Variants in PCDHGA5 observed in about 807,000 individuals in gnomAD.
The protein encoded by PCDHGA5 is protocadherin gamma-A5.
In PCDHGA5, 36 loss-of-function variants were observed where a neutral mutation model predicts 56.7. The observed-to-expected ratio is 0.64, with a 90% CI of 0.49 to 0.84. The LOEUF is 0.84. PCDHGA5 is among the 40% of genes least tolerant of loss of function. The probability of loss-of-function intolerance (pLI) is 0.00; values close to 1 mark genes in which losing one functional copy is unlikely to be tolerated. For missense variants in PCDHGA5, 1,305 were observed against 1,201.5 expected, an observed-to-expected ratio of 1.09 and a Z score of -1.27; for synonymous variants, 563 against 520.2, an observed-to-expected ratio of 1.08 and a Z score of -1.12.
rs145748099 is a variant in PCDHGA5, at chr5:141,365,734, T to A, written c.1404T>A (p.Gly468=). ...STSVTENNPR[G]VSIFSVTAHD... ...CTGTCACAGAAAACAATCCCAGAGG[T>A]GTCTCTATCTTCTCTGTGACAGCCC... Residue 468 remains glycine, a synonymous_variant, in exon 1 of 4, where the codon GGT becomes GGA. Coordinates refer to ENST00000518069, the MANE Select transcript of PCDHGA5 (RefSeq NM_018918.3). The A allele has an allele frequency of 1.9e-6, 3 of 1,613,550 alleles. No individual in the cohort carries two copies. The African/African-American group carries it at 4.0e-5, about 22-fold the overall frequency.
Position 141,485,286 on chromosome 5 carries a change from AG to A in PCDHGA5, c.2422-9520del. On this transcript the variant is annotated intron_variant, in intron 1 of 3. Coordinates refer to ENST00000518069, the MANE Select transcript of PCDHGA5 (RefSeq NM_018918.3). This position sits in a 1 kb window ranked among gnomAD's most constrained non-coding sequence, Gnocchi z 5.7. ...CAGATCCGCTACCCGGTCCCAGAGG[AG>A]TCACAGGAAGGGACTTTTGTAGGGA... The A allele has an allele frequency of 6.2e-7, 1 of 1,614,044 alleles. No homozygotes were observed. Among genetic ancestry groups the A allele is most frequent in the Non-Finnish European group, 8.5e-7 (1 of 1,179,928 alleles).
intron 1 of PCDHGA5, among the ~76,000 whole-genome samples, chr5:141,435,134 A>G (rs1190517186): frequency 6.6e-6 from 1 of 152,190 alleles, no homozygotes; most frequent in Non-Finnish European, 1.5e-5. Context: ...GAAAATATAA[A>G]TAAAATTGTG....
intron 1 of PCDHGA5, among the ~76,000 whole-genome samples, chr5:141,450,022 T>TTTTC: frequency 6.7e-6 from 1 of 149,424 alleles, no homozygotes; most frequent in Admixed American, 6.7e-5. Context: ...TTTTTTTTTT[T>TTTTC]TTGAGACAGG....
intron 1 of PCDHGA5, among the ~76,000 whole-genome samples, chr5:141,401,128 G>C (rs1271194736): frequency 6.6e-6 from 1 of 152,166 alleles, no homozygotes; most frequent in African/African-American, 2.4e-5. Context: ...TGGATCACAT[G>C]GTCAGGAGTT....
chr5:141,383,074 C>T, intron 1 of PCDHGA5: 3 of 1,613,886 alleles, frequency 1.9e-6, no homozygotes, highest in Non-Finnish European at 2.5e-6. Context: ...GCCCCGGGAG[C>T]TGGCGGAGCG....
chr5:141,475,106 G>T (rs1182368610), intron 1 of PCDHGA5, among the ~76,000 whole-genome samples: 6 of 152,220 alleles, frequency 3.9e-5, no homozygotes, highest in Admixed American at 2.0e-4. Context: ...ATCCTAGGTG[G>T]TAAATAGGCC....
chr5:141,494,441 C>T (rs1187169994), intron 1 of PCDHGA5, among the ~76,000 whole-genome samples: 2 of 152,154 alleles, frequency 1.3e-5, no homozygotes, highest in African/African-American at 4.8e-5. Context: ...TCCTTTGCCA[C>T]TTTAGGGGGC....
At chr5:141,460,177 T>C (rs1021646181) in intron 1 of PCDHGA5, among the ~76,000 whole-genome samples, 13 of 152,138 alleles carry the variant, frequency 8.5e-5, no homozygotes, top group African/African-American at 3.1e-4. Context: ...TTGTGGATAT[T>C]TTATCCCAGA....
rs1292783135 is a variant in PCDHGA5 at position 141,374,085 on chromosome 5, T to C, written c.2421+7334T>C. The stretch of plus-strand genomic sequence containing the variant: ...AGAGAAGTTCCTAATAAGCCAGTAA[T>C]GGCGCCTCCGCAGAGGCATCCGCAG... On this transcript the variant is annotated intron_variant, in intron 1 of 3. Coordinates refer to ENST00000518069, the MANE Select transcript of PCDHGA5 (RefSeq NM_018918.3). 12 of 1,528,732 alleles carry C rather than the reference T, an allele frequency of 7.8e-6. No individual in the cohort carries two copies. In the Admixed American group the frequency reaches 2.2e-4, roughly 28 times the overall value. 94.7% of individuals were successfully genotyped at this position (1,528,732 alleles called of 1,614,324 possible).
At chr5:141,392,107 C>T (rs1289551398) in intron 1 of PCDHGA5, 1 of 152,168 alleles carries the variant, frequency 6.6e-6, no homozygotes, top group Non-Finnish European at 1.5e-5. Flanking sequence ...AAAGCAACAA[C>T]TCTATAGAAA....
chr5:141,393,460 A>ATGGC (rs754334472), intron 1 of PCDHGA5: 1 of 1,614,052 alleles, frequency 6.2e-7, no homozygotes, highest in South Asian at 1.1e-5. Flanking sequence ...ACGGCCTCGG[A>ATGGC]TGGCGGCAAG....
intron 1 of PCDHGA5, chr5:141,388,866 C>A (rs2091521937): frequency 2.5e-6 from 4 of 1,613,832 alleles, no homozygotes; most frequent in Non-Finnish European, 3.4e-6. Flanking sequence ...AATGATTGCG[C>A]AATGCACAGT....
rs1404249999 is a variant in PCDHGA5 at position 141,366,404 on chromosome 5, T to C, written c.2074T>C (p.Tyr692His). The change falls in exon 1 of 4, where the codon TAT becomes CAT. Residue 692 changes from tyrosine (Y) to histidine (H), a missense_variant. By Grantham distance (83) the Tyr-to-His change is moderately conservative. Transcript: ENST00000518069. ...CCCTGAGGATCTGGACCTCACACTC[T>C]ATCTTGTGGTGGCAGTGGCTGCAGT... ...IDPEDLDLTLYLVVAVAAVSC... is the reference protein window; with the variant it reads ...IDPEDLDLTLHLVVAVAAVSC... 11 of 1,614,180 alleles carry C rather than the reference T, an allele frequency of 6.8e-6. No homozygotes were observed. Among genetic ancestry groups the C allele is most frequent in the Non-Finnish European group, 9.3e-6 (11 of 1,180,040 alleles).
In PCDHGA5 at chr5:141,365,125, C is replaced by A. The variant is rs373921082; in HGVS notation, c.795C>A (p.Thr265=). 1.2e-6 allele frequency: 2 copies of A among 1,613,766 alleles called. No homozygotes were observed. Among genetic ancestry groups the A allele is most frequent in the African/African-American group, 1.3e-5 (1 of 74,932 alleles). Residue 265 remains threonine (T), a synonymous_variant, in exon 1 of 4, where the codon ACC becomes ACA. Coordinates refer to ENST00000518069, the MANE Select transcript of PCDHGA5 (RefSeq NM_018918.3). ...IPVGTRLLML[T]ATDPDEGING... is the part of the protein sequence containing the mutation. ...TGGGCACTCGGCTGCTCATGCTAAC[C>A]GCCACGGATCCAGATGAGGGAATAA... is the stretch of plus-strand genomic sequence containing the variant.
intron 1 of PCDHGA5, chr5:141,409,208 G>A: frequency 6.2e-7 from 1 of 1,613,984 alleles, no homozygotes; most frequent in South Asian, 1.1e-5. Context: ...AGTAATCATA[G>A]AAATCCTTGA....
At chr5:141,480,285 T>C (rs1369369395) in intron 1 of PCDHGA5, among the ~76,000 whole-genome samples, 1 of 151,924 alleles carries the variant, frequency 6.6e-6, no homozygotes, top group East Asian at 1.9e-4. Flanking sequence ...TGTGTTGGCA[T>C]GCACCTGTGG....
At chr5:141,480,046 A>G (rs919527311) in intron 1 of PCDHGA5, among the ~76,000 whole-genome samples, 1 of 152,206 alleles carries the variant, frequency 6.6e-6, no homozygotes, top group Non-Finnish European at 1.5e-5. Context: ...ATATGCAAAA[A>G]GGGAATAATA....
chr5:141,374,292 G>A (rs1268827954), intron 1 of PCDHGA5: 4 of 1,613,966 alleles, frequency 2.5e-6, no homozygotes, highest in Non-Finnish European at 2.5e-6. Context: ...GTCTCCAGAG[G>A]TAGGATGCAG....
At chr5:141,383,596 G>T in intron 1 of PCDHGA5, 1 of 1,613,702 alleles carries the variant, frequency 6.2e-7, no homozygotes, top group Non-Finnish European at 8.5e-7. Context: ...GGTGACAGTG[G>T]TGGATGTGAA....
Sources: gnomAD v4.1 joint callset for allele counts (sites outside exome capture counted in the v4.1 genomes callset) on GRCh38, gnomAD v4.1.1 for gene constraint, Gnocchi (gnomAD v3.1) non-coding constraint, MANE v1.5 for transcripts, NCBI Gene and HGNC (gene_info 2026-07-23, HGNC 2026-07-21) for gene names.